PSD3: variants seen among roughly 807,000 people sequenced by gnomAD.
PSD3 encodes PH and SEC7 domain-containing protein 3.
In PSD3, 49 loss-of-function variants were observed where a neutral mutation model predicts 105.5. The observed-to-expected ratio is 0.46, with a 90% CI of 0.37 to 0.59. PSD3 has a LOEUF of 0.59. Among genes scored for constraint, PSD3 ranks in the 20% least tolerant of loss-of-function variants. The pLI is 0.00. For missense variants in PSD3, 1,561 were observed against 1,263.8 expected, an observed-to-expected ratio of 1.24 and a Z score of -3.57; for synonymous variants, 557 against 457.8, an observed-to-expected ratio of 1.22 and a Z score of -2.77.
At position 18,591,187 on chromosome 8, in the gene PSD3, C is replaced by T. The variant is rs554722567; in HGVS notation, c.2481+9177G>A. 2.6e-5 allele frequency among the ~76,000 whole-genome samples: 4 copies of T among 152,194 alleles called. No homozygotes were observed. The South Asian group carries it at 8.3e-4, about 32-fold the overall frequency. On this transcript the variant is annotated intron_variant, in intron 12 of 15. Coordinates refer to ENST00000327040, the MANE Select transcript of PSD3 (RefSeq NM_015310.4). ...GGTAAGAAGAGTGATTTCATCTTACCCACATCAACCCCTCCCTGAAGCTAG... is the reference window on the plus strand; with the variant it reads ...GGTAAGAAGAGTGATTTCATCTTACTCACATCAACCCCTCCCTGAAGCTAG...
chr8:18,905,292 A>G (rs1171876180), intron 2 of PSD3, among the ~76,000 whole-genome samples: 1 of 152,078 alleles, frequency 6.6e-6, no homozygotes, highest in East Asian at 1.9e-4. Flanking sequence ...GAAGCTCTCC[A>G]TGCCTCACCA....
intron 2 of PSD3, among the ~76,000 whole-genome samples, chr8:18,901,096 T>A (rs1353270908): frequency 6.6e-6 from 1 of 152,254 alleles, no homozygotes; most frequent in Non-Finnish European, 1.5e-5. Context: ...GATGTGTTTC[T>A]ATTTCATGGT....
intron 1 of PSD3, among the ~76,000 whole-genome samples, chr8:19,041,579 T>C (rs1044810635): frequency 2.6e-5 from 4 of 152,230 alleles, no homozygotes; most frequent in African/African-American, 9.6e-5. Flanking sequence ...TTTTCAAAGC[T>C]GTAACTACTG....
At chr8:18,694,611 G>GAAA (rs61475829) in intron 9 of PSD3, among the ~76,000 whole-genome samples, 1 of 140,934 alleles carries the variant, frequency 7.1e-6, no homozygotes. Context: ...CTGCATCTCC[G>GAAA]AAAAAAAAAA....
intron 2 of PSD3, among the ~76,000 whole-genome samples, chr8:18,932,768 T>A (rs965341491): frequency 1.3e-5 from 2 of 152,232 alleles, no homozygotes; most frequent in African/African-American, 4.8e-5. Context: ...TCAGTGATGA[T>A]GTCTGCAGAC....
intron 14 of PSD3, among the ~76,000 whole-genome samples, chr8:18,567,093 C>G (rs192670715): frequency 2.6e-5 from 4 of 152,170 alleles, no homozygotes; most frequent in Non-Finnish European, 5.9e-5. Flanking sequence ...ATATGTTGCT[C>G]TAAGTTACAT....
intron 4 of PSD3, among the ~76,000 whole-genome samples, chr8:18,813,675 C>G (rs1811915617): frequency 6.6e-6 from 1 of 152,172 alleles, no homozygotes; most frequent in African/African-American, 2.4e-5. Flanking sequence ...CTGGAGAACT[C>G]CAGTTAGACC....
chr8:18,704,466 T>C (rs529231512), intron 9 of PSD3, among the ~76,000 whole-genome samples: 2 of 152,302 alleles, frequency 1.3e-5, no homozygotes, highest in Admixed American at 6.5e-5. Flanking sequence ...CCCTCCCCAG[T>C]AGCTAGGATT....
intron 9 of PSD3, among the ~76,000 whole-genome samples, chr8:18,689,417 G>A (rs993798403): frequency 1.3e-5 from 2 of 152,160 alleles, no homozygotes; most frequent in African/African-American, 4.8e-5. Context: ...AGAACCATTA[G>A]TAGAAGGAGG....
chr8:18,572,564 G>A lies in PSD3; in HGVS notation c.2748C>T (p.Arg916=), dbSNP rs142116909. ...AAIGSQKKFS[R]PLLPATTTKL... Reference sequence around the variant, plus strand: ...TTGTTGTAGTGGCAGGCAGAAGTGGGCGGCTAAACTTCTTCTGAGAGCCGA... The same window carrying A: ...TTGTTGTAGTGGCAGGCAGAAGTGGACGGCTAAACTTCTTCTGAGAGCCGA... The change falls in exon 14 of 16, where the codon CGC becomes CGT. Residue 916 remains arginine (R), a synonymous_variant. Coordinates refer to ENST00000327040, the MANE Select transcript of PSD3 (RefSeq NM_015310.4). 2.5e-4 allele frequency: 408 copies of A among 1,614,050 alleles called. 2 individuals are homozygous for A. Among genetic ancestry groups the A allele is most frequent in the East Asian group, 6.0e-4 (27 of 44,884 alleles).
rs545619686 is a variant in PSD3 at position 18,736,373 on chromosome 8, C to T, written c.2172+29076G>A. On this transcript the variant is annotated intron_variant, in intron 9 of 15. Transcript: ENST00000327040. The stretch of plus-strand genomic sequence containing the variant: ...AATCAAATGTGTTAATATATTTAAA[C>T]ACTAGAATAATGCCTGGCACACCAT... Among the ~76,000 whole-genome samples, 11 of 152,264 alleles carry T rather than the reference C, an allele frequency of 7.2e-5. No individual in the cohort carries two copies. The South Asian group carries it at 2.3e-3, about 32-fold the overall frequency.
intron 1 of PSD3, among the ~76,000 whole-genome samples, chr8:19,010,620 G>A (rs902023975): frequency 7.2e-5 from 11 of 152,136 alleles, no homozygotes; most frequent in African/African-American, 2.7e-4. Flanking sequence ...TTGAAAGATG[G>A]TCAACGTAAC....
At chr8:18,828,238 C>T (rs1306964111) in intron 4 of PSD3, among the ~76,000 whole-genome samples, 2 of 151,708 alleles carry the variant, frequency 1.3e-5, no homozygotes, top group Non-Finnish European at 2.9e-5. Context: ...CTCCAGCTTT[C>T]TACTTTTTCT....
intron 12 of PSD3, among the ~76,000 whole-genome samples, chr8:18,594,016 C>A (rs1364450349): frequency 7.0e-6 from 1 of 143,838 alleles, no homozygotes; most frequent in African/African-American, 2.6e-5. Context: ...AGAGACATAC[C>A]TAATGCAAAT....
chr8:19,074,592 C>CATATATATATATATATATAT (rs1240382273), intron 1 of PSD3, among the ~76,000 whole-genome samples: 47 of 65,970 alleles, frequency 7.1e-4, no homozygotes, highest in African/African-American at 2.1e-3. Context: ...CAGATATATA[C>CATATATATATATATATATAT]ATATATATAT....
chr8:18,852,086 C>G (rs867469258), intron 4 of PSD3, among the ~76,000 whole-genome samples: 2 of 151,892 alleles, frequency 1.3e-5, no homozygotes, highest in Admixed American at 6.6e-5. Context: ...TAACAAGATT[C>G]TTATTTACAA....
chr8:18,956,867 C>T (rs1823601959), intron 1 of PSD3, among the ~76,000 whole-genome samples: 1 of 152,084 alleles, frequency 6.6e-6, no homozygotes, highest in Admixed American at 6.6e-5. Context: ...GAGGCCACAC[C>T]CCAAGGCTCC....
intron 14 of PSD3, among the ~76,000 whole-genome samples, chr8:18,563,169 T>C (rs926790795): frequency 2.0e-5 from 3 of 152,140 alleles, no homozygotes; most frequent in East Asian, 1.9e-4. Flanking sequence ...AGCAGAGAGA[T>C]AGTATGTGGC....
At chr8:18,694,010 C>T (rs1299630057) in intron 9 of PSD3, among the ~76,000 whole-genome samples, 1 of 152,040 alleles carries the variant, frequency 6.6e-6, no homozygotes, top group African/African-American at 2.4e-5. Context: ...TAGGAAAGAT[C>T]TGAAAAAAGA....
Sources: gnomAD v4.1 joint callset for allele counts (sites outside exome capture counted in the v4.1 genomes callset) on GRCh38, gnomAD v4.1.1 for gene constraint, MANE v1.5 for transcripts, NCBI Gene and HGNC (gene_info 2026-07-23, HGNC 2026-07-21) for gene names.